AKR1B1: variants seen among roughly 807,000 people sequenced by gnomAD.
AKR1B1 encodes the protein aldo-keto reductase family 1 member B1.
Under a neutral mutation model 40.4 loss-of-function variants are expected in AKR1B1, and 22 were observed. The observed-to-expected ratio is 0.54, with a 90% CI of 0.39 to 0.78. AKR1B1 has a LOEUF of 0.78. AKR1B1 is among the 30% of genes least tolerant of loss of function. The pLI, the probability that AKR1B1 is intolerant of heterozygous loss-of-function variation, is 0.00. For missense variants in AKR1B1, 357 were observed against 396.7 expected (o/e 0.90, Z 0.85); for synonymous variants, 157 against 149.9 (o/e 1.05, Z -0.35).
chr7:134,450,153 A>G (rs926921816), intron 3 of AKR1B1, among the ~76,000 whole-genome samples: 1 of 152,248 alleles, frequency 6.6e-6, no homozygotes, highest in Non-Finnish European at 1.5e-5. Context: ...GCTTACCCCT[A>G]AAATCAAAAG....
At chr7:134,450,643 T>G in intron 3 of AKR1B1, 143 bp downstream of exon 3, 1 of 753,708 alleles carries the variant, frequency 1.3e-6, no homozygotes, top group Admixed American at 1.8e-5. Context: ...TCCCAGGTGA[T>G]GCCAGTGCTG....
Position 134,450,826 on chromosome 7 carries a change from TAG to T in AKR1B1, c.309_310del (p.Asp103GlufsTer14). The T allele has an allele frequency of 6.2e-7, 1 of 1,614,164 alleles. No homozygotes were observed. The highest frequency in any genetic ancestry group is 8.5e-7 in the Non-Finnish European group (1 of 1,180,032). On this transcript the variant is annotated frameshift_variant, in exon 3 of 10. Coordinates refer to ENST00000285930, the MANE Select transcript of AKR1B1 (RefSeq NM_001628.4). LOFTEE classifies it high-confidence loss of function. Reference sequence around the variant, plus strand: ...CCAGTGAATAAGGTAGAGGTCCAGGTAGTCCAGCTTCAGGTCGCTGAGTGTCT... The same window carrying T: ...CCAGTGAATAAGGTAGAGGTCCAGGTTCCAGCTTCAGGTCGCTGAGTGTCT...
At chr7:134,447,756 G>A (rs2117450551) in intron 7 of AKR1B1, 3 of 646,590 alleles carry the variant, frequency 4.6e-6, no homozygotes, top group East Asian at 2.7e-5. Context: ...TGGCCCTCGT[G>A]GCAGTCACCC....
At chr7:134,456,332 T>C (rs1305967716) in intron 1 of AKR1B1, among the ~76,000 whole-genome samples, 2 of 152,004 alleles carry the variant, frequency 1.3e-5, no homozygotes, top group African/African-American at 4.8e-5. Flanking sequence ...CCCAAGTAGC[T>C]GGGACTACAG....
chr7:134,447,928 G>A (rs1806153000), intron 7 of AKR1B1, 52 bp downstream of exon 7: 1 of 1,497,958 alleles, frequency 6.7e-7, no homozygotes, highest in Non-Finnish European at 9.2e-7. Context: ...TAACAGGACT[G>A]TCAGGAATGC....
rs200903070 is a variant in AKR1B1, at chr7:134,448,044, G to C, written c.677C>G (p.Pro226Arg). The C allele has an allele frequency of 1.2e-6, 2 of 1,612,826 alleles. No homozygotes were observed. Among genetic ancestry groups the C allele is most frequent in the Non-Finnish European group, 1.7e-6 (2 of 1,179,760 alleles). ...PDRPWAKPED[P>R]SLLEDPRIKA... Reference sequence around the variant, plus strand: ...GATCCTGGGATCCTCCAGGAGAGAAGGGTCCTCGGGCTTGGCCCTGAGGAT... The same window carrying C: ...GATCCTGGGATCCTCCAGGAGAGAACGGTCCTCGGGCTTGGCCCTGAGGAT... Residue 226 changes from proline to arginine, a missense_variant, in exon 7 of 10, where the codon CCT (proline) becomes CGT (arginine). Transcript: ENST00000285930.
At chr7:134,445,097 G>T in intron 9 of AKR1B1, 141 bp downstream of exon 9, 2 of 770,616 alleles carry the variant, frequency 2.6e-6, no homozygotes, top group South Asian at 1.5e-5. Flanking sequence ...AAGTCACGTG[G>T]CTGAGAAAGC....
chr7:134,449,324 C>G (rs536569659), intron 4 of AKR1B1: 22 of 681,596 alleles, frequency 3.2e-5, no homozygotes, highest in Non-Finnish European at 5.1e-5. Context: ...CGGTGGCTCA[C>G]GCCTGTAATC....
At position 134,446,054 on chromosome 7, in the gene AKR1B1, T is replaced by C. The variant is rs1806084546; in HGVS notation, c.826-734A>G. Among the ~76,000 whole-genome samples, 3 of 152,348 alleles carry C rather than the reference T, an allele frequency of 2.0e-5. 1 individual carries two copies. Among genetic ancestry groups the C allele is most frequent in the South Asian group, 4.1e-4 (2 of 4,834 alleles). On this transcript the variant is annotated intron_variant, in intron 8 of 9. Coordinates refer to ENST00000285930, the MANE Select transcript of AKR1B1 (RefSeq NM_001628.4). Reference sequence around the variant, plus strand: ...CAGAAAGAGAGTCTGCTACAGGCTCTGTGGTTATGATCACAGAAAAATGTG... The same window carrying C: ...CAGAAAGAGAGTCTGCTACAGGCTCCGTGGTTATGATCACAGAAAAATGTG...
intron 1 of AKR1B1, among the ~76,000 whole-genome samples, chr7:134,453,038 C>G (rs1025804396): frequency 3.9e-5 from 6 of 152,332 alleles, no homozygotes; most frequent in African/African-American, 1.4e-4. Flanking sequence ...AACAGAGAAT[C>G]TCAATTTCCA....
intron 1 of AKR1B1, among the ~76,000 whole-genome samples, chr7:134,458,103 C>G (rs971960408): frequency 6.6e-6 from 1 of 152,198 alleles, no homozygotes; most frequent in Non-Finnish European, 1.5e-5. Flanking sequence ...TGCCTCAGCT[C>G]CCATACCACC....
chr7:134,445,198 T>C (rs1465365943), intron 9 of AKR1B1, 40 bp downstream of exon 9: 2 of 1,550,514 alleles, frequency 1.3e-6, no homozygotes, highest in Admixed American at 1.7e-5. Context: ...AGCATCTGAA[T>C]ATCTCCTGGG....
chr7:134,451,366 G>A lies in AKR1B1; in HGVS notation c.234+220C>T, dbSNP rs57764659. ...TCCACAACCTCAGCCTCATCAGCAC[G>A]GGACTCTAAGCAATGGGCCCAGATG... On this transcript the variant is annotated intron_variant, in intron 2 of 9. Coordinates refer to ENST00000285930, the MANE Select transcript of AKR1B1 (RefSeq NM_001628.4). 528 of 638,022 alleles carry A rather than the reference G, an allele frequency of 8.3e-4. 5 individuals carry two copies. In the African/African-American group the frequency reaches 8.9e-3, roughly 11 times the overall value. The allele number at this position is 638,022 out of a possible 1,614,324, so 39.5% of individuals were successfully genotyped here.
rs909055116 is a variant in AKR1B1 at position 134,443,105 on chromosome 7, T to A, written c.909-335A>T. Among the ~76,000 whole-genome samples, 60 of 152,210 alleles carry A rather than the reference T, an allele frequency of 3.9e-4. 1 individual carries two copies. Among genetic ancestry groups the A allele is most frequent in the Non-Finnish European group, 1.3e-4 (9 of 68,040 alleles). On this transcript the variant is annotated intron_variant, in intron 9 of 9. Transcript: ENST00000285930. ...GGCAGGACCAGACAGTATTTTGTGG[T>A]CTTAAACATCTTGTGTAATAATATG...
intron 1 of AKR1B1, among the ~76,000 whole-genome samples, chr7:134,458,653 T>C (rs1181301239): frequency 6.6e-6 from 1 of 152,138 alleles, no homozygotes; most frequent in Non-Finnish European, 1.5e-5. Flanking sequence ...CCCGCCTCCC[T>C]CTCGCGTTGT....
intron 1 of AKR1B1, among the ~76,000 whole-genome samples, chr7:134,452,626 C>T (rs1306268414): frequency 6.6e-6 from 1 of 152,128 alleles, no homozygotes; most frequent in African/African-American, 2.4e-5. Flanking sequence ...GACACGTATC[C>T]CCCAACTTTC....
At chr7:134,449,235 G>T in intron 4 of AKR1B1, 116 bp from the exon 5 acceptor site, 1 of 1,421,522 alleles carries the variant, frequency 7.0e-7, no homozygotes, top group South Asian at 1.1e-5. Context: ...CAGTGAATTA[G>T]ACCTTTCAGA....
At chr7:134,452,723 G>A (rs2117460660) in intron 1 of AKR1B1, among the ~76,000 whole-genome samples, 1 of 152,256 alleles carries the variant, frequency 6.6e-6, no homozygotes, top group Middle Eastern at 3.4e-3. Flanking sequence ...GGAGAGCTGG[G>A]GTAGAAACAA....
At chr7:134,455,017 G>A (rs1487000358) in intron 1 of AKR1B1, among the ~76,000 whole-genome samples, 2 of 152,170 alleles carry the variant, frequency 1.3e-5, no homozygotes, top group Non-Finnish European at 2.9e-5. Flanking sequence ...GAAGTGAACA[G>A]TAAATCTGGC....
Sources: allele counts gnomAD v4.1 joint callset (sites outside exome capture counted in the v4.1 genomes callset), GRCh38; gene constraint gnomAD v4.1.1; transcripts MANE v1.5; gene names NCBI Gene and HGNC (gene_info 2026-07-23, HGNC 2026-07-21).